The following ZNF707 variants were observed in gnomAD, a reference collection of about 807,000 sequenced individuals.
ZNF707 encodes zinc finger protein 707.
A neutral mutation model predicts 13.3 loss-of-function variants in ZNF707; 8 were observed. That is an observed-to-expected ratio of 0.60 (90% CI 0.35 to 1.09). The LOEUF (loss-of-function observed/expected upper bound fraction) is 1.09. ZNF707 is among the 50% of genes least tolerant of loss of function. The pLI, the probability that ZNF707 is intolerant of heterozygous loss-of-function variation, is 0.02. For synonymous variants in ZNF707, 225 were observed against 205.6 expected (o/e 1.09, Z -0.81); for missense variants, 530 against 512.6 (o/e 1.03, Z -0.33).
At chr8:143,692,004 C>G in intron 5 of ZNF707, 1 of 1,451,404 alleles carries the variant, frequency 6.9e-7, no homozygotes, top group Non-Finnish European at 9.2e-7. Flanking sequence ...CACCTAGCCA[C>G]CCAGGTGCTG....
chr8:143,692,080 G>A (rs1232998290), intron 5 of ZNF707: 16 of 1,349,244 alleles, frequency 1.2e-5, no homozygotes, highest in African/African-American at 1.5e-5. Context: ...TCCCAGGCCT[G>A]GTACTGACTG....
chr8:143,693,716 C>T lies in ZNF707; in HGVS notation c.302C>T (p.Ala101Val), dbSNP rs781823614. The T allele has an allele frequency of 3.7e-5, 60 of 1,610,328 alleles. 1 individual carries two copies. In the Admixed American group the frequency reaches 8.5e-4, roughly 23 times the overall value. The change falls in exon 6 of 6, where the codon GCT becomes GTT. Residue 101 changes from alanine to valine, a missense_variant. Ala to Val is a moderately conservative substitution (Grantham distance 64). Transcript: ENST00000358656. The surrounding 1 kb of genome is among the most constrained non-coding windows in gnomAD (Gnocchi z 4.1). ...ADPKRPCDHP[A>V]WAHKKTHVRR... ...CCCAAGAGACCTTGTGATCATCCAG[C>T]TTGGGCTCACAAGAAAACCCACGTG...
chr8:143,691,707 C>T lies in ZNF707; in HGVS notation c.250C>T (p.Arg84Trp), dbSNP rs892150599. 3.1e-6 allele frequency: 5 copies of T among 1,589,368 alleles called. No homozygotes were observed. The highest frequency in any genetic ancestry group is 4.3e-6 in the Non-Finnish European group (5 of 1,168,474). ...GTTCCAGGCAGTGCAGAGGGGACCC[C>T]GGCCAGGTGAGTGCTGGGCTGTCTG... ...PEFQAVQRGPRPGARKSADPK... is the reference protein window; with the variant it reads ...PEFQAVQRGPWPGARKSADPK... The change falls in exon 5 of 6, where the codon CGG becomes TGG. Residue 84 changes from arginine (R) to tryptophan (W), a missense_variant. Coordinates refer to ENST00000358656, the MANE Select transcript of ZNF707 (RefSeq NM_001100598.2).
At chr8:143,689,462 C>T (rs1816599034) in intron 2 of ZNF707, among the ~76,000 whole-genome samples, 161 bp downstream of exon 2, 1 of 152,166 alleles carries the variant, frequency 6.6e-6, no homozygotes, top group Admixed American at 6.5e-5. Flanking sequence ...TGGTTCTCTA[C>T]AGACCTGGGG....
chr8:143,690,192 C>G (rs142911737), intron 3 of ZNF707, 69 bp downstream of exon 3: 5 of 1,578,830 alleles, frequency 3.2e-6, no homozygotes, highest in African/African-American at 1.3e-5. Flanking sequence ...CCAGCACACA[C>G]GCGGGGAGGG....
rs782038307 is a variant in ZNF707 at position 143,694,204 on chromosome 8, G to A, written c.790G>A (p.Asp264Asn). The A allele has an allele frequency of 1.9e-6, 3 of 1,576,340 alleles. No individual in the cohort carries two copies. Among genetic ancestry groups the A allele is most frequent in the East Asian group, 2.3e-5 (1 of 44,110 alleles). ...CGAGCACAGGCCCTACTCGTGTGGC[G>A]ACTGTGGGAAAGCCTTCAAGCAGAA... ...HTEHRPYSCG[D>N]CGKAFKQKSN... Residue 264 changes from aspartate (D) to asparagine (N), a missense_variant, in exon 6 of 6, where the codon GAC becomes AAC. Coordinates refer to ENST00000358656, the MANE Select transcript of ZNF707 (RefSeq NM_001100598.2). The surrounding 1 kb of genome is among the most constrained non-coding windows in gnomAD (Gnocchi z 4.4).
Position 143,693,463 on chromosome 8 carries a change from A to AT in ZNF707, c.257-195dup, listed in dbSNP as rs59116211. Among the ~76,000 whole-genome samples, 360 of 146,508 alleles carry AT rather than the reference A, an allele frequency of 2.5e-3. No individual in the cohort carries two copies. The highest frequency in any genetic ancestry group is 3.4e-3 in the Non-Finnish European group (226 of 66,402). On this transcript the variant is annotated intron_variant, in intron 5 of 5. Transcript: ENST00000358656. The surrounding 1 kb of genome is among the most constrained non-coding windows in gnomAD (Gnocchi z 4.1). ...CCACTGCGCCCGGCTAATTTTTTGT[A>AT]TTTTTTTTTTTTTAGTAGAGACGGG...
rs782038060 is a variant in ZNF707, at chr8:143,694,262, C to T, written c.848C>T (p.Thr283Ile). The change falls in exon 6 of 6, where the codon ACC becomes ATC. Residue 283 changes from threonine to isoleucine, a missense_variant. Coordinates refer to ENST00000358656, the MANE Select transcript of ZNF707 (RefSeq NM_001100598.2). This position sits in a 1 kb window ranked among gnomAD's most constrained non-coding sequence, Gnocchi z 4.4. Reference sequence around the variant, plus strand: ...CTTCTCAGACACCAGCTGGTGCACACCGGGGAGCGGCCGTTCTACTGCGCG... The same window carrying T: ...CTTCTCAGACACCAGCTGGTGCACATCGGGGAGCGGCCGTTCTACTGCGCG... ...SNLLRHQLVH[T>I]GERPFYCADC... The T allele has an allele frequency of 6.3e-7, 1 of 1,592,674 alleles. No homozygotes were observed. Among genetic ancestry groups the T allele is most frequent in the Admixed American group, 1.7e-5 (1 of 57,912 alleles).
chr8:143,688,361 T>C (rs1335601733), intron 1 of ZNF707, among the ~76,000 whole-genome samples: 2 of 152,142 alleles, frequency 1.3e-5, no homozygotes, highest in Admixed American at 1.3e-4. Flanking sequence ...AGGGAATGTC[T>C]GTGTACCTGC....
chr8:143,690,819 C>G (rs1004691754), intron 3 of ZNF707: 6 of 525,860 alleles, frequency 1.1e-5, no homozygotes, highest in Admixed American at 1.0e-4. Flanking sequence ...GGGGGGCTCT[C>G]TGGAGTCTCC....
At chr8:143,691,470 T>C in intron 4 of ZNF707, 130 bp from the exon 5 acceptor site, 1 of 1,104,248 alleles carries the variant, frequency 9.1e-7, no homozygotes, top group South Asian at 1.6e-5. Context: ...ATCTCTGCTT[T>C]GGGGTGGCTT....
At chr8:143,686,075 G>C (rs1309450923) in intron 1 of ZNF707, among the ~76,000 whole-genome samples, 1 of 151,930 alleles carries the variant, frequency 6.6e-6, no homozygotes, top group African/African-American at 2.4e-5. Context: ...GTTGAGCTGA[G>C]GGGAGAGGGT....
chr8:143,691,892 A>G, intron 5 of ZNF707, 179 bp downstream of exon 5: 1 of 1,004,060 alleles, frequency 1.0e-6, no homozygotes, highest in Non-Finnish European at 1.5e-6. Context: ...TCCTGCCCTG[A>G]TGGACACTGG....
In ZNF707 at chr8:143,694,493, C is replaced by G. The variant is rs1158665422; in HGVS notation, c.1079C>G (p.Thr360Arg). 1.2e-6 allele frequency: 2 copies of G among 1,609,248 alleles called. No homozygotes were observed. Among genetic ancestry groups the G allele is most frequent in the African/African-American group, 1.3e-5 (1 of 74,868 alleles). The change falls in exon 6 of 6, where the codon ACG becomes AGG. Residue 360 changes from threonine (T) to arginine (R), a missense_variant. Physicochemically the swap from Thr to Arg is moderately conservative, Grantham distance 71 (BLOSUM62 -1). Coordinates refer to ENST00000358656, the MANE Select transcript of ZNF707 (RefSeq NM_001100598.2). This position sits in a 1 kb window ranked among gnomAD's most constrained non-coding sequence, Gnocchi z 4.4. Reference sequence around the variant, plus strand: ...GGCTTCCGTCACCTGGGGTTCTTCACGCGGCATCAGAGGACTCACAGGCAC... The same window carrying G: ...GGCTTCCGTCACCTGGGGTTCTTCAGGCGGCATCAGAGGACTCACAGGCAC... ...GKGFRHLGFFTRHQRTHRHGE... is the reference protein window; with the variant it reads ...GKGFRHLGFFRRHQRTHRHGE...
In ZNF707 at chr8:143,693,957, C is replaced by T. The variant is rs370483652; in HGVS notation, c.543C>T (p.Cys181=). Residue 181 remains cysteine (C), a synonymous_variant, in exon 6 of 6, where the codon TGC becomes TGT. Coordinates refer to ENST00000358656, the MANE Select transcript of ZNF707 (RefSeq NM_001100598.2). The surrounding 1 kb of genome is among the most constrained non-coding windows in gnomAD (Gnocchi z 4.1). Reference sequence around the variant, plus strand: ...AGCTGTCATTCATCTGCGGCACGTGCGGGAAGGCGCTCAGCTGCCACAGCC... The same window carrying T: ...AGCTGTCATTCATCTGCGGCACGTGTGGGAAGGCGCTCAGCTGCCACAGCC... ...AVELSFICGT[C]GKALSCHSRL... 2.5e-6 allele frequency: 4 copies of T among 1,599,984 alleles called. No individual in the cohort carries two copies. The highest frequency in any genetic ancestry group is 3.4e-6 in the Non-Finnish European group (4 of 1,174,974).
chr8:143,690,679 C>A (rs1412479542), intron 3 of ZNF707, among the ~76,000 whole-genome samples: 2 of 152,212 alleles, frequency 1.3e-5, no homozygotes, highest in Non-Finnish European at 2.9e-5. Context: ...CCAAACATGA[C>A]ACAGTGGGTG....
In ZNF707 at chr8:143,694,871, T is replaced by C. The variant is rs1817200593; in HGVS notation, c.*341T>C. 1 of 264,932 alleles carries C rather than the reference T, an allele frequency of 3.8e-6. No homozygotes were observed. Among genetic ancestry groups the C allele is most frequent in the East Asian group, 6.9e-5 (1 of 14,450 alleles). 16.4% of individuals were successfully genotyped at this position (264,932 alleles called of 1,614,324 possible). On this transcript the variant is annotated 3_prime_UTR_variant, in exon 6 of 6. Transcript: ENST00000358656. This position sits in a 1 kb window ranked among gnomAD's most constrained non-coding sequence, Gnocchi z 4.4. ...GAAGCCTGCCTGGTGCCCACAGCCG[T>C]CTGGCTCAGGGACTCCACCCTGGCC...
intron 1 of ZNF707, chr8:143,687,494 C>G (rs1816396367): frequency 6.6e-6 from 1 of 152,144 alleles, no homozygotes; most frequent in African/African-American, 2.4e-5. Flanking sequence ...TGCCACCATG[C>G]CTGGCTAATT....
At position 143,694,461 on chromosome 8, in the gene ZNF707, T is replaced by G. The variant is rs782805732; in HGVS notation, c.1047T>G (p.Cys349Trp). The G allele has an allele frequency of 5.0e-6, 8 of 1,611,618 alleles. No homozygotes were observed. Among genetic ancestry groups the G allele is most frequent in the Non-Finnish European group, 5.1e-6 (6 of 1,179,096 alleles). ...AGAGGTTCTACGAGTGCGGCCACTG[T>G]GGGAAAGGCTTCCGTCACCTGGGGT... ...LTKRFYECGHCGKGFRHLGFF... is the reference protein window; with the variant it reads ...LTKRFYECGHWGKGFRHLGFF... Residue 349 changes from cysteine (C) to tryptophan (W), a missense_variant, in exon 6 of 6, where the codon TGT becomes TGG. Cys to Trp is a radical substitution (Grantham distance 215). Coordinates refer to ENST00000358656, the MANE Select transcript of ZNF707 (RefSeq NM_001100598.2). The surrounding 1 kb of genome is among the most constrained non-coding windows in gnomAD (Gnocchi z 4.4).
Sources: allele counts gnomAD v4.1 joint callset (sites outside exome capture counted in the v4.1 genomes callset), GRCh38; gene constraint gnomAD v4.1.1; non-coding constraint Gnocchi (gnomAD v3.1); transcripts MANE v1.5; gene names NCBI Gene and HGNC (gene_info 2026-07-23, HGNC 2026-07-21).